RBMS3: variants seen among roughly 807,000 people sequenced by gnomAD.
RBMS3 encodes the protein RNA-binding motif, single-stranded-interacting protein 3.
RBMS3 carries 27 observed loss-of-function variants against 66.8 expected under a neutral mutation model. The observed-to-expected ratio is 0.40, with a 90% CI of 0.30 to 0.56. The LOEUF is 0.56. RBMS3 is among the 20% of genes least tolerant of loss of function. The probability of loss-of-function intolerance (pLI) is 0.40; values close to 1 mark genes in which losing one functional copy is unlikely to be tolerated. For synonymous variants in RBMS3, 188 were observed against 183.0 expected (o/e 1.03, Z -0.22); for missense variants, 513 against 549.5 (o/e 0.93, Z 0.66).
chr3:29,655,629 G>T (rs2050298296), intron 4 of RBMS3, among the ~76,000 whole-genome samples: 1 of 152,054 alleles, frequency 6.6e-6, no homozygotes, highest in Admixed American at 6.6e-5. Flanking sequence ...ATTGTGTATG[G>T]TACATAATGC....
At chr3:29,970,686 T>C (rs1033729517) in intron 12 of RBMS3, among the ~76,000 whole-genome samples, 1 of 152,156 alleles carries the variant, frequency 6.6e-6, no homozygotes, top group Non-Finnish European at 1.5e-5. Context: ...TTATGCAACA[T>C]GTATTTGAGT....
At chr3:29,911,047 G>C (rs2060501870) in intron 10 of RBMS3, among the ~76,000 whole-genome samples, 1 of 152,050 alleles carries the variant, frequency 6.6e-6, no homozygotes. Context: ...ATGGTTAACA[G>C]TTAAGGTATG....
At chr3:29,504,369 G>A (rs1393920475) in intron 3 of RBMS3, among the ~76,000 whole-genome samples, 2 of 152,098 alleles carry the variant, frequency 1.3e-5, no homozygotes, top group African/African-American at 4.8e-5. Flanking sequence ...GTGGAAATTT[G>A]TGATGATTGG....
intron 1 of RBMS3, among the ~76,000 whole-genome samples, chr3:29,325,501 C>T (rs549214683): frequency 6.7e-6 from 1 of 149,124 alleles, no homozygotes; most frequent in African/African-American, 2.5e-5. Context: ...CCATTAAATG[C>T]ATATATATAT....
chr3:29,796,075 A>C (rs1309151318), intron 6 of RBMS3, among the ~76,000 whole-genome samples: 2 of 152,198 alleles, frequency 1.3e-5, no homozygotes, highest in Non-Finnish European at 2.9e-5. Flanking sequence ...AGCAAATATC[A>C]CAAGAAAGTG....
chr3:29,404,717 C>A (rs1320272650), intron 1 of RBMS3, among the ~76,000 whole-genome samples: 3 of 152,034 alleles, frequency 2.0e-5, no homozygotes, highest in African/African-American at 7.2e-5. Flanking sequence ...AGTGATAAAT[C>A]TTCAATTTGC....
chr3:29,996,021 C>G (rs955395377), intron 14 of RBMS3, among the ~76,000 whole-genome samples: 1 of 152,056 alleles, frequency 6.6e-6, no homozygotes, highest in African/African-American at 2.4e-5. Context: ...TTCAGGAAAC[C>G]CATCTCACTT....
At chr3:29,324,621 AT>A (rs2125498716) in intron 1 of RBMS3, among the ~76,000 whole-genome samples, 1 of 147,036 alleles carries the variant, frequency 6.8e-6, no homozygotes, top group South Asian at 2.1e-4. Context: ...CTCTCCCAGC[AT>A]TGTAGAGCTC....
At chr3:29,728,618 T>G (rs1488288340) in intron 4 of RBMS3, among the ~76,000 whole-genome samples, 5 of 152,150 alleles carry the variant, frequency 3.3e-5, no homozygotes, top group Admixed American at 3.3e-4. Context: ...TTCATTATGA[T>G]ATATACACAC....
intron 1 of RBMS3, among the ~76,000 whole-genome samples, chr3:29,363,739 GA>G (rs1436668804): frequency 2.0e-5 from 3 of 150,796 alleles, no homozygotes; most frequent in Non-Finnish European, 4.4e-5. Context: ...GTGGTGAGCT[GA>G]AATTGCGCCA....
chr3:29,494,113 TTGTG>T (rs1482578732), intron 3 of RBMS3, among the ~76,000 whole-genome samples: 1 of 152,226 alleles, frequency 6.6e-6, no homozygotes, highest in Non-Finnish European at 1.5e-5. Context: ...GTACAGCATA[TTGTG>T]TGTAAGTTAG....
At chr3:29,844,393 C>G (rs1016738473) in intron 6 of RBMS3, among the ~76,000 whole-genome samples, 1 of 152,078 alleles carries the variant, frequency 6.6e-6, no homozygotes, top group Non-Finnish European at 1.5e-5. Flanking sequence ...TCAAAATCAG[C>G]TATTAGAGTA....
chr3:29,491,820 T>C (rs143585945), intron 3 of RBMS3, among the ~76,000 whole-genome samples: 1,698 of 152,214 alleles, frequency 0.011, 28 homozygotes, highest in African/African-American at 0.035. Context: ...CGTGAAACCC[T>C]GTCTCTACTA....
chr3:29,954,084 A>G (rs899919242), intron 12 of RBMS3, among the ~76,000 whole-genome samples: 4 of 151,662 alleles, frequency 2.6e-5, no homozygotes, highest in Admixed American at 6.6e-5. Flanking sequence ...TATTTATTCA[A>G]TGATGATTTT....
chr3:29,912,230 G>A (rs748218423), intron 10 of RBMS3, among the ~76,000 whole-genome samples: 7 of 151,912 alleles, frequency 4.6e-5, no homozygotes, highest in Non-Finnish European at 8.8e-5. Context: ...GTTCTATTTT[G>A]TTCTAAATAA....
At chr3:29,488,597 A>T in intron 3 of RBMS3, 98 bp downstream of exon 3, 1 of 1,081,120 alleles carries the variant, frequency 9.2e-7, no homozygotes, top group Non-Finnish European at 1.4e-6. Flanking sequence ...CACAATGATC[A>T]CAATGCATAG....
chr3:29,719,844 A>G (rs1252719350), intron 4 of RBMS3, among the ~76,000 whole-genome samples: 1 of 152,170 alleles, frequency 6.6e-6, no homozygotes, highest in Non-Finnish European at 1.5e-5. Flanking sequence ...TAATATATCC[A>G]GAAGGACTCT....
intron 6 of RBMS3, among the ~76,000 whole-genome samples, chr3:29,798,072 A>G (rs1167465577): frequency 6.6e-6 from 1 of 151,816 alleles, no homozygotes; most frequent in African/African-American, 2.4e-5. Flanking sequence ...GTCAGAACAT[A>G]CGTTTATCAA....
chr3:29,419,129 A>T (rs2040597854), intron 1 of RBMS3, among the ~76,000 whole-genome samples: 1 of 152,154 alleles, frequency 6.6e-6, no homozygotes, highest in Admixed American at 6.5e-5. Context: ...CTTGATCAAA[A>T]GGCCAAGAAG....
Sources: gnomAD v4.1 joint callset for allele counts (sites outside exome capture counted in the v4.1 genomes callset) on GRCh38, gnomAD v4.1.1 for gene constraint, MANE v1.5 for transcripts, NCBI Gene and HGNC (gene_info 2026-07-23, HGNC 2026-07-21) for gene names.